Variants in ATG2B observed in about 807,000 individuals in gnomAD.
ATG2B encodes autophagy-related protein 2 homolog B.
Under a neutral mutation model 241.3 loss-of-function variants are expected in ATG2B, and 121 were observed. That is an observed-to-expected ratio of 0.50 (90% CI 0.43 to 0.58). The LOEUF (loss-of-function observed/expected upper bound fraction) is 0.58. Ranked by LOEUF, ATG2B falls within the 20% of genes least tolerant of loss-of-function variation. The pLI, the probability that ATG2B is intolerant of heterozygous loss-of-function variation, is 0.00. For missense variants in ATG2B, 2,306 were observed against 2,491.6 expected (o/e 0.93, Z 1.59); for synonymous variants, 858 against 876.6 (o/e 0.98, Z 0.37).
chr14:96,313,282 A>G, intron 24 of ATG2B, 47 bp downstream of exon 24: 5 of 1,437,776 alleles, frequency 3.5e-6, no homozygotes, highest in Non-Finnish European at 4.8e-6. Context: ...TTCAAAATTT[A>G]GTAGCATTTT....
intron 1 of ATG2B, among the ~76,000 whole-genome samples, chr14:96,351,916 GA>G (rs1452975915): frequency 1.2e-4 from 13 of 106,508 alleles, no homozygotes; most frequent in Admixed American, 2.7e-4. Context: ...AAAAAAAAAA[GA>G]AAAAAAAATT....
At chr14:96,316,846 T>C (rs913742792) in intron 20 of ATG2B, among the ~76,000 whole-genome samples, 163 bp from the exon 21 acceptor site, 4 of 152,190 alleles carry the variant, frequency 2.6e-5, no homozygotes, top group East Asian at 3.8e-4. Context: ...AAAATAAAAC[T>C]GGATAACTTA....
At chr14:96,348,866 T>G (rs1888240273) in intron 1 of ATG2B, among the ~76,000 whole-genome samples, 2 of 152,140 alleles carry the variant, frequency 1.3e-5, no homozygotes, top group African/African-American at 4.8e-5. Context: ...GTGTCAAATA[T>G]CTCACGTACC....
At chr14:96,334,284 T>G (rs538260977) in intron 7 of ATG2B, 121 bp downstream of exon 7, 2 of 655,810 alleles carry the variant, frequency 3.0e-6, no homozygotes, top group African/African-American at 3.8e-5. Flanking sequence ...TCTTATTTGC[T>G]TCTTTCAATT....
chr14:96,310,761 T>C (rs1167085444), intron 28 of ATG2B, among the ~76,000 whole-genome samples: 1 of 152,198 alleles, frequency 6.6e-6, no homozygotes, highest in Non-Finnish European at 1.5e-5. Context: ...GTAACAATAC[T>C]AACACCTGCC....
intron 38 of ATG2B, 110 bp downstream of exon 38, chr14:96,291,490 A>G: frequency 1.5e-6 from 1 of 688,474 alleles, no homozygotes. Flanking sequence ...AGCTCTCTAA[A>G]TAAAATACTG....
chr14:96,294,848 G>A lies in ATG2B; in HGVS notation c.5426+112C>T. On this transcript the variant is annotated intron_variant, in intron 36 of 41. Transcript: ENST00000359933. ...GATAAATACACCAGCTGATGATTTG[G>A]CAGTGCAAAGAAAAGCTGACGGAAC... 2.6e-5 allele frequency: 22 copies of A among 849,974 alleles called. 1 individual carries two copies. The South Asian group carries it at 3.8e-4, about 15-fold the overall frequency. 52.7% of individuals were successfully genotyped at this position (849,974 alleles called of 1,614,324 possible). A position where few individuals can be genotyped will look rare whatever the true frequency, so the allele number is the denominator to read the frequency against.
At chr14:96,343,365 C>A in intron 4 of ATG2B, 84 bp from the exon 5 acceptor site, 1 of 754,854 alleles carries the variant, frequency 1.3e-6, no homozygotes, top group East Asian at 3.0e-5. Flanking sequence ...ATGTAACTAA[C>A]CTGCACATTG....
At chr14:96,336,874 T>C (rs1292710147) in intron 6 of ATG2B, among the ~76,000 whole-genome samples, 1 of 152,180 alleles carries the variant, frequency 6.6e-6, no homozygotes, top group Non-Finnish European at 1.5e-5. Flanking sequence ...TTTGACATTG[T>C]AAAAGGATTT....
At chr14:96,332,245 T>C in intron 10 of ATG2B, 60 bp downstream of exon 10, 4 of 1,331,304 alleles carry the variant, frequency 3.0e-6, no homozygotes, top group Non-Finnish European at 4.3e-6. Context: ...AAAGCACCAG[T>C]AGAATGGCAT....
At chr14:96,353,641 T>TA (rs1466096836) in intron 1 of ATG2B, among the ~76,000 whole-genome samples, 38 of 125,148 alleles carry the variant, frequency 3.0e-4, no homozygotes, top group African/African-American at 9.1e-4. Flanking sequence ...AATTTCATAT[T>TA]TTATATATAT....
At chr14:96,308,270 A>ACATATATATG (rs1555365542) in intron 29 of ATG2B, among the ~76,000 whole-genome samples, 3 of 27,904 alleles carry the variant, frequency 1.1e-4, no homozygotes, top group Non-Finnish European at 1.8e-4. Context: ...ATATATATAT[A>ACATATATATG]TATATATATA....
chr14:96,331,139 A>G (rs1194164383), intron 11 of ATG2B, among the ~76,000 whole-genome samples: 2 of 152,242 alleles, frequency 1.3e-5, no homozygotes, highest in African/African-American at 4.8e-5. Context: ...ATCACTTTGA[A>G]AACTCCTATT....
intron 37 of ATG2B, 88 bp from the exon 38 acceptor site, chr14:96,291,770 G>T: frequency 1.0e-6 from 1 of 981,496 alleles, no homozygotes; most frequent in South Asian, 1.5e-5. Context: ...AGTCAAAGCA[G>T]TAGTCATTAT....
intron 6 of ATG2B, among the ~76,000 whole-genome samples, chr14:96,338,103 ATAG>A (rs1566730725): frequency 9.2e-5 from 14 of 152,120 alleles, no homozygotes; most frequent in African/African-American, 3.4e-4. Context: ...CTGTTGGTGT[ATAG>A]CACTGCTACT....
chr14:96,351,148 T>C (rs1469188097), intron 1 of ATG2B, among the ~76,000 whole-genome samples: 1 of 152,252 alleles, frequency 6.6e-6, no homozygotes, highest in African/African-American at 2.4e-5. Context: ...ATAACATCAG[T>C]ATTTCTCAAG....
Position 96,334,474 on chromosome 14 carries a change from T to C in ATG2B, c.952A>G (p.Ile318Val), listed in dbSNP as rs1887819580. Residue 318 changes from isoleucine (I) to valine (V), a missense_variant, in exon 7 of 42, where the codon ATT becomes GTT. Coordinates refer to ENST00000359933, the MANE Select transcript of ATG2B (RefSeq NM_018036.7). Reference sequence around the variant, plus strand: ...TGTCTTGGTGACAGGAGTAGATGAATAGAGTCTATCTGTCCATCAACATCC... The same window carrying C: ...TGTCTTGGTGACAGGAGTAGATGAACAGAGTCTATCTGTCCATCAACATCC... ...KLDVDGQIDS[I>V]HLLLSPRQVH... 2 of 1,607,450 alleles carry C rather than the reference T, an allele frequency of 1.2e-6. No individual in the cohort carries two copies. Among genetic ancestry groups the C allele is most frequent in the African/African-American group, 1.3e-5 (1 of 74,354 alleles).
intron 6 of ATG2B, among the ~76,000 whole-genome samples, chr14:96,340,749 CA>C (rs1888010773): frequency 6.6e-6 from 1 of 151,610 alleles, no homozygotes; most frequent in Non-Finnish European, 1.5e-5. Context: ...CCTGTCTCTA[CA>C]AAAAACATAA....
rs1474685028 is a variant in ATG2B, at chr14:96,341,586, C to A, written c.860G>T (p.Arg287Leu). Residue 287 changes from arginine to leucine, a missense_variant, in exon 6 of 42, where the codon CGG (arginine) becomes CTG (leucine). By Grantham distance (102) the Arg-to-Leu change is moderately radical. Transcript: ENST00000359933. ...IAPSDPVQIG[R>L]LIGRLELSLT... is the part of the protein sequence containing the mutation. The stretch of plus-strand genomic sequence containing the variant: ...ACTCAACTCCAACCTACCAATTAAC[C>A]GTCCAATCTGCACTGGGTCAGAAGG... The A allele has an allele frequency of 6.2e-7, 1 of 1,604,316 alleles. No individual in the cohort carries two copies. The highest frequency in any genetic ancestry group is 8.5e-7 in the Non-Finnish European group (1 of 1,174,178).
Sources: allele counts gnomAD v4.1 joint callset (sites outside exome capture counted in the v4.1 genomes callset), GRCh38; gene constraint gnomAD v4.1.1; transcripts MANE v1.5; gene names NCBI Gene and HGNC (gene_info 2026-07-23, HGNC 2026-07-21).